KIF13A: variants seen among roughly 807,000 people sequenced by gnomAD.
KIF13A encodes kinesin-like protein KIF13A.
In KIF13A, 79 loss-of-function variants were observed where a neutral mutation model predicts 212.2. The observed-to-expected ratio is 0.37, with a 90% CI of 0.31 to 0.45. The LOEUF is 0.45. KIF13A is among the 20% of genes least tolerant of loss of function. The probability of loss-of-function intolerance (pLI) is 1.00; values close to 1 mark genes in which losing one functional copy is unlikely to be tolerated. For missense variants in KIF13A, 1,901 were observed against 2,209.0 expected, an observed-to-expected ratio of 0.86 and a Z score of 2.79; for synonymous variants, 789 against 808.6, an observed-to-expected ratio of 0.98 and a Z score of 0.41.
chr6:17,795,090 ACATTAT>A (rs1761916953), intron 23 of KIF13A: 1 of 174,918 alleles, frequency 5.7e-6, no homozygotes. Context: ...ATGGAATCAC[ACATTAT>A]GTATTCTTGT....
intron 6 of KIF13A, among the ~76,000 whole-genome samples, chr6:17,853,095 A>G (rs1767816328): frequency 6.6e-6 from 1 of 152,216 alleles, no homozygotes; most frequent in South Asian, 2.1e-4. Context: ...TATATGGGAA[A>G]AAGGAGCTAA....
At chr6:17,869,435 T>C (rs2150429239) in intron 4 of KIF13A, among the ~76,000 whole-genome samples, 1 of 152,290 alleles carries the variant, frequency 6.6e-6, no homozygotes, top group Admixed American at 6.5e-5. Flanking sequence ...AATGAATACA[T>C]TATTTAGCCC....
chr6:17,895,349 T>C lies in KIF13A; in HGVS notation c.159+2819A>G, dbSNP rs956433223. 4.6e-5 allele frequency among the ~76,000 whole-genome samples: 7 copies of C among 152,228 alleles called. No individual in the cohort carries two copies. Among genetic ancestry groups the C allele is most frequent in the Non-Finnish European group, 7.3e-5 (5 of 68,032 alleles). On this transcript the variant is annotated intron_variant, in intron 3 of 38. Transcript: ENST00000259711. This position sits in a 1 kb window ranked among gnomAD's most constrained non-coding sequence, Gnocchi z 4.4. ...CTTAACTTTGATGGTGTATTGGACA[T>C]TGTATTTTTAAAACAGTTTGTGGAA... is the stretch of plus-strand genomic sequence containing the variant.
chr6:17,950,700 CA>C, intron 2 of KIF13A: 1 of 984,622 alleles, frequency 1.0e-6, no homozygotes, highest in Non-Finnish European at 1.2e-6. Context: ...CACTTTTAAT[CA>C]TGCCTAAAAA....
chr6:17,808,559 T>C (rs1763175555), intron 18 of KIF13A, among the ~76,000 whole-genome samples: 7 of 152,212 alleles, frequency 4.6e-5, no homozygotes, highest in Admixed American at 4.6e-4. Flanking sequence ...CACTAAAATT[T>C]TGTGTATTCT....
chr6:17,822,541 G>A (rs1391333618), intron 16 of KIF13A, among the ~76,000 whole-genome samples: 4 of 152,074 alleles, frequency 2.6e-5, no homozygotes, highest in Non-Finnish European at 5.9e-5. Flanking sequence ...ATATAAGAAG[G>A]TAGTAATTGA....
chr6:17,799,824 C>T lies in KIF13A; in HGVS notation c.2616+128G>A, dbSNP rs1465329667. 1.1e-6 allele frequency: 1 copy of T among 926,162 alleles called. No individual in the cohort carries two copies. The highest frequency in any genetic ancestry group is 1.6e-5 in the African/African-American group (1 of 60,706). 57.4% of individuals were successfully genotyped at this position (926,162 alleles called of 1,614,324 possible). The stretch of plus-strand genomic sequence containing the variant: ...ATTTCTGAAAACAAAGTACTGTCCA[C>T]CACTGTATCTGCTGTTACAAAATCC... On this transcript the variant is annotated intron_variant, in intron 21 of 38. Coordinates refer to ENST00000259711, the MANE Select transcript of KIF13A (RefSeq NM_022113.6). The surrounding 1 kb of genome is among the most constrained non-coding windows in gnomAD (Gnocchi z 4.4).
rs61281213 is a variant in KIF13A at position 17,833,014 on chromosome 6, C to CAAAAA, written c.1266+942_1266+946dup. ...GGGCGACAGAGAGAGACTCTGTCTGCAAAAAAAAAAAAAAAAAAAAAAAAA... is the reference window on the plus strand; with the variant it reads ...GGGCGACAGAGAGAGACTCTGTCTGCAAAAAAAAAAAAAAAAAAAAAAAAAAAAAA... On this transcript the variant is annotated intron_variant, in intron 12 of 38. Coordinates refer to ENST00000259711, the MANE Select transcript of KIF13A (RefSeq NM_022113.6). 1.4e-3 allele frequency among the ~76,000 whole-genome samples: 102 copies of CAAAAA among 75,392 alleles called. 8 individuals carry two copies. The highest frequency in any genetic ancestry group is 6.2e-3 in the African/African-American group (92 of 14,798). The allele number at this position is 75,392 out of a possible 152,430, so 49.5% of individuals were successfully genotyped here. A position where few individuals can be genotyped will look rare whatever the true frequency, so the allele number is the denominator to read the frequency against.
chr6:17,973,590 G>C (rs569891421), intron 2 of KIF13A, among the ~76,000 whole-genome samples: 25 of 152,102 alleles, frequency 1.6e-4, no homozygotes, highest in Non-Finnish European at 2.6e-4. Flanking sequence ...TCAAAGTACC[G>C]TTGGGATAAA....
chr6:17,842,416 G>A (rs941048953), intron 9 of KIF13A, among the ~76,000 whole-genome samples: 2 of 152,074 alleles, frequency 1.3e-5, no homozygotes, highest in Non-Finnish European at 2.9e-5. Context: ...AAACCACTAA[G>A]TATTGATCCT....
intron 9 of KIF13A, among the ~76,000 whole-genome samples, chr6:17,844,518 A>G (rs1266512038): frequency 6.6e-6 from 1 of 152,246 alleles, no homozygotes; most frequent in Admixed American, 6.5e-5. Context: ...CCGAGCTTTT[A>G]GCACTGTGAA....
chr6:17,817,862 C>T (rs949069142), intron 16 of KIF13A, among the ~76,000 whole-genome samples: 7 of 152,176 alleles, frequency 4.6e-5, no homozygotes, highest in African/African-American at 1.2e-4. Context: ...TAACATCTCA[C>T]GTGTACAGGC....
At chr6:17,808,424 A>T (rs1311425654) in intron 18 of KIF13A, among the ~76,000 whole-genome samples, 1 of 141,826 alleles carries the variant, frequency 7.1e-6, no homozygotes, top group Non-Finnish European at 1.6e-5. Context: ...ACCCTCAGGT[A>T]CTACAGCCTA....
Position 17,905,896 on chromosome 6 carries a change from T to C in KIF13A, c.147-7716A>G, listed in dbSNP as rs1326568933. On this transcript the variant is annotated intron_variant, in intron 2 of 38. Coordinates refer to ENST00000259711, the MANE Select transcript of KIF13A (RefSeq NM_022113.6). ...AGGTTTTGCAGGACAGTAGGTACCA[T>C]TTTCAATCAGGATTTATGAACTGTA... is the stretch of plus-strand genomic sequence containing the variant. Among the ~76,000 whole-genome samples, 5 of 152,188 alleles carry C rather than the reference T, an allele frequency of 3.3e-5. No individual in the cohort carries two copies. The East Asian group carries it at 9.6e-4, about 29-fold the overall frequency.
chr6:17,839,712 G>T lies in KIF13A; in HGVS notation c.831-2129C>A, dbSNP rs183060647. Among the ~76,000 whole-genome samples, 64 of 152,180 alleles carry T rather than the reference G, an allele frequency of 4.2e-4. No homozygotes were observed. The highest frequency in any genetic ancestry group is 1.4e-3 in the African/African-American group (60 of 41,512). On this transcript the variant is annotated intron_variant, in intron 9 of 38. Coordinates refer to ENST00000259711, the MANE Select transcript of KIF13A (RefSeq NM_022113.6). The surrounding 1 kb of genome is among the most constrained non-coding windows in gnomAD (Gnocchi z 4.3). The stretch of plus-strand genomic sequence containing the variant: ...TAATGAGTGATGTCCTTATAAGAAG[G>T]TCATATAAAGACACCCAGGGGAGAC...
chr6:17,937,754 T>G (rs897565013), intron 2 of KIF13A, among the ~76,000 whole-genome samples: 3 of 123,694 alleles, frequency 2.4e-5, no homozygotes, highest in African/African-American at 9.9e-5. Context: ...TTGTTTTTTT[T>G]TTTTTGTTTT....
chr6:17,976,800 T>TGAA (rs1561830586), intron 2 of KIF13A, among the ~76,000 whole-genome samples: 1 of 111,178 alleles, frequency 9.0e-6, no homozygotes, highest in African/African-American at 3.6e-5. Flanking sequence ...AGACTCCATC[T>TGAA]CAAAAAAAAA....
rs1428063597 is a variant in KIF13A, at chr6:17,809,443, T to G, written c.2001-513A>C. Among the ~76,000 whole-genome samples, 1 of 152,200 alleles carries G rather than the reference T, an allele frequency of 6.6e-6. No individual in the cohort carries two copies. The highest frequency in any genetic ancestry group is 2.4e-5 in the African/African-American group (1 of 41,450). On this transcript the variant is annotated intron_variant, in intron 17 of 38. Transcript: ENST00000259711. This position sits in a 1 kb window ranked among gnomAD's most constrained non-coding sequence, Gnocchi z 4.7. ...CAACATTACTTGCTGATAAAAAGCTTCTCTAATATCCCAGATTGGTCAAAA... is the reference window on the plus strand; with the variant it reads ...CAACATTACTTGCTGATAAAAAGCTGCTCTAATATCCCAGATTGGTCAAAA...
At chr6:17,831,346 C>T in intron 12 of KIF13A, 111 bp from the exon 13 acceptor site, 3 of 1,200,186 alleles carry the variant, frequency 2.5e-6, no homozygotes, top group South Asian at 3.0e-5. Context: ...AATGGGATTA[C>T]ACATGCTACT....
Sources: allele counts gnomAD v4.1 joint callset (sites outside exome capture counted in the v4.1 genomes callset), GRCh38; gene constraint gnomAD v4.1.1; non-coding constraint Gnocchi (gnomAD v3.1); transcripts MANE v1.5; gene names NCBI Gene and HGNC (gene_info 2026-07-23, HGNC 2026-07-21).